EDARADD: variants seen among roughly 807,000 people sequenced by gnomAD.
The protein encoded by EDARADD is ectodysplasin-A receptor-associated adapter protein.
EDARADD carries 20 observed loss-of-function variants against 25.6 expected under a neutral mutation model. The ratio of observed to expected loss-of-function variants is 0.78; its 90% CI spans 0.55 to 1.14. The LOEUF is 1.14. EDARADD is among the 50% of genes most tolerant of loss of function. The probability of loss-of-function intolerance (pLI) is 0.00; values close to 1 mark genes in which losing one functional copy is unlikely to be tolerated. For missense variants in EDARADD, 225 were observed against 270.1 expected, an observed-to-expected ratio of 0.83 and a Z score of 1.17; for synonymous variants, 86 against 94.4, an observed-to-expected ratio of 0.91 and a Z score of 0.52.
chr1:236,395,329 G>T lies in EDARADD; in HGVS notation c.61+824G>T. The T allele has an allele frequency of 3.9e-6, 5 of 1,295,250 alleles. No individual in the cohort carries two copies. Among genetic ancestry groups the T allele is most frequent in the Non-Finnish European group, 4.9e-6 (5 of 1,017,994 alleles). 80.2% of individuals were successfully genotyped at this position (1,295,250 alleles called of 1,614,324 possible). ...CGGGACACTCGGGGCCCCGCCTTGCGTCCCAGCCCCGGGTCGCGGCACCCC... is the reference window on the plus strand; with the variant it reads ...CGGGACACTCGGGGCCCCGCCTTGCTTCCCAGCCCCGGGTCGCGGCACCCC... On this transcript the variant is annotated intron_variant, in intron 1 of 5. Transcript: ENST00000334232. The surrounding 1 kb of genome is among the most constrained non-coding windows in gnomAD (Gnocchi z 6.9).
At position 236,465,437 on chromosome 1, in the gene EDARADD, C is replaced by T. The variant is rs570207414; in HGVS notation, c.220-2794C>T. On this transcript the variant is annotated intron_variant, in intron 4 of 5. Transcript: ENST00000334232. ...CTGAATCATCTCCCTCTTGCCCCTC[C>T]CATTGCCTTTGCTTAAGACTAAATG... is the stretch of plus-strand genomic sequence containing the variant. Among the ~76,000 whole-genome samples the T allele has an allele frequency of 1.5e-3, 236 of 152,316 alleles. 2 individuals are homozygous for T. Among genetic ancestry groups the T allele is most frequent in the African/African-American group, 5.5e-3 (228 of 41,566 alleles).
At chr1:236,397,924 T>G (rs1042498104) in intron 1 of EDARADD, among the ~76,000 whole-genome samples, 1 of 152,146 alleles carries the variant, frequency 6.6e-6, no homozygotes, top group African/African-American at 2.4e-5. Flanking sequence ...TACTCCTATT[T>G]CTGTAATGAA....
intron 4 of EDARADD, among the ~76,000 whole-genome samples, chr1:236,466,998 C>T (rs1039973149): frequency 2.0e-5 from 3 of 151,688 alleles, no homozygotes; most frequent in Non-Finnish European, 2.9e-5. Context: ...ACCCAGGAGG[C>T]GGAGATGCAG....
At chr1:236,469,294 C>G (rs546909472) in intron 5 of EDARADD, among the ~76,000 whole-genome samples, 2 of 151,820 alleles carry the variant, frequency 1.3e-5, no homozygotes, top group African/African-American at 2.4e-5. Flanking sequence ...GCCAACATGG[C>G]AAAACTCCAT....
chr1:236,444,981 A>G (rs559381390), intron 4 of EDARADD, among the ~76,000 whole-genome samples: 1 of 152,114 alleles, frequency 6.6e-6, no homozygotes, highest in East Asian at 1.9e-4. Flanking sequence ...GGGAGTTAAT[A>G]TGTTATAAAT....
chr1:236,484,155 G>A lies in EDARADD; in HGVS notation c.*1506G>A. On this transcript the variant is annotated 3_prime_UTR_variant, in exon 6 of 6. Coordinates refer to ENST00000334232, the MANE Select transcript of EDARADD (RefSeq NM_145861.4). The surrounding 1 kb of genome is among the most constrained non-coding windows in gnomAD (Gnocchi z 4.1). ...GACCAACCCAAAGAGGACAGCCTCG[G>A]CCGTGAATGAGAAGAAGTGCAACTG... 7.5e-7 allele frequency: 1 copy of A among 1,341,348 alleles called. No homozygotes were observed. The highest frequency in any genetic ancestry group is 1.1e-6 in the Non-Finnish European group (1 of 932,230). 83.1% of individuals were successfully genotyped at this position (1,341,348 alleles called of 1,614,324 possible). A position where few individuals can be genotyped will look rare whatever the true frequency, so the allele number is the denominator to read the frequency against.
At chr1:236,410,177 C>T (rs1335474632) in intron 2 of EDARADD, among the ~76,000 whole-genome samples, 1 of 152,068 alleles carries the variant, frequency 6.6e-6, no homozygotes, top group African/African-American at 2.4e-5. Context: ...TTGGGCTTCT[C>T]ATAAATCCAT....
intron 1 of EDARADD, among the ~76,000 whole-genome samples, chr1:236,403,782 T>C (rs1331085627): frequency 6.6e-6 from 1 of 152,204 alleles, no homozygotes; most frequent in Admixed American, 6.5e-5. Context: ...CTGCCTGCTC[T>C]CACCCGCAGC....
chr1:236,414,095 A>G (rs1657570423), intron 2 of EDARADD, among the ~76,000 whole-genome samples, 165 bp from the exon 3 acceptor site: 1 of 152,200 alleles, frequency 6.6e-6, no homozygotes, highest in Non-Finnish European at 1.5e-5. Context: ...ATTCCTGTCG[A>G]CTGAGAATAA....
In EDARADD at chr1:236,460,187, C is replaced by CTTTTTTT. The variant is rs535170345; in HGVS notation, c.220-8035_220-8029dup. Among the ~76,000 whole-genome samples the CTTTTTTT allele has an allele frequency of 1.4e-5, 2 of 138,576 alleles. 1 individual carries two copies. 90.9% of individuals were successfully genotyped at this position (138,576 alleles called of 152,430 possible). ...TAAATACATTTCTTCTTTTTCTTTT[C>CTTTTTTT]TTTTTTTTTTTTTTTGAGACAGGGT... On this transcript the variant is annotated intron_variant, in intron 4 of 5. Transcript: ENST00000334232.
intron 1 of EDARADD, among the ~76,000 whole-genome samples, chr1:236,397,777 TGTC>T (rs1667542848): frequency 6.6e-6 from 1 of 152,180 alleles, no homozygotes; most frequent in African/African-American, 2.4e-5. Flanking sequence ...ATGATCCAAA[TGTC>T]CATTCCCGCT....
At position 236,411,324 on chromosome 1, in the gene EDARADD, C is replaced by T. The variant is rs182495979; in HGVS notation, c.120+2050C>T. On this transcript the variant is annotated intron_variant, in intron 2 of 5. Coordinates refer to ENST00000334232, the MANE Select transcript of EDARADD (RefSeq NM_145861.4). ...TGGAAGCTTGAAATCAAGGTGTCCT[C>T]AGGGCCATTCTCCCTCTGAGACCCA... 1.1e-3 allele frequency among the ~76,000 whole-genome samples: 169 copies of T among 152,292 alleles called. 1 individual carries two copies. The highest frequency in any genetic ancestry group is 3.9e-3 in the African/African-American group (163 of 41,560).
intron 5 of EDARADD, among the ~76,000 whole-genome samples, chr1:236,471,804 T>C (rs900359180): frequency 6.6e-6 from 1 of 152,128 alleles, no homozygotes; most frequent in African/African-American, 2.4e-5. Context: ...ATGTGCAAGA[T>C]AAAAGGGCAC....
At chr1:236,450,685 A>C (rs1201712181) in intron 4 of EDARADD, among the ~76,000 whole-genome samples, 1 of 151,886 alleles carries the variant, frequency 6.6e-6, no homozygotes, top group East Asian at 1.9e-4. Flanking sequence ...AGTAGCTGGG[A>C]TTACAGGCAT....
intron 3 of EDARADD, among the ~76,000 whole-genome samples, chr1:236,351,448 G>A (rs575064591): frequency 2.6e-5 from 4 of 152,168 alleles, no homozygotes; most frequent in South Asian, 2.1e-4. Context: ...GGCTGGGCGC[G>A]GTGGCTCATG....
In EDARADD at chr1:236,482,556, C is replaced by T. The variant is rs995250116; in HGVS notation, c.555C>T (p.Leu185=). 6.2e-7 allele frequency: 1 copy of T among 1,613,682 alleles called. No homozygotes were observed. Among genetic ancestry groups the T allele is most frequent in the African/African-American group, 1.3e-5 (1 of 74,924 alleles). ...TVGQLMELCR[L]YHRADVEKVL... ...GCCAGCTGATGGAGCTCTGCAGGCT[C>T]TACCACAGGGCCGACGTGGAGAAGG... Residue 185 remains leucine, a synonymous_variant, in exon 6 of 6, where the codon CTC becomes CTT. Transcript: ENST00000334232.
chr1:236,349,814 T>G, intron 2 of EDARADD, among the ~76,000 whole-genome samples: 1 of 150,636 alleles, frequency 6.6e-6, no homozygotes, highest in Admixed American at 6.6e-5. Flanking sequence ...AAAAGGGCAG[T>G]GGTGGGGGAG....
intron 4 of EDARADD, among the ~76,000 whole-genome samples, chr1:236,432,303 C>T (rs1025067429): frequency 3.3e-5 from 5 of 151,634 alleles, no homozygotes; most frequent in Admixed American, 2.0e-4. Flanking sequence ...GTGAGAGGAT[C>T]GCTTAAACCT....
At chr1:236,439,604 G>A (rs971525799) in intron 4 of EDARADD, among the ~76,000 whole-genome samples, 2 of 152,148 alleles carry the variant, frequency 1.3e-5, no homozygotes, top group Non-Finnish European at 2.9e-5. Context: ...GATGATATAC[G>A]ATGTAGAGCA....
Sources: gnomAD v4.1 joint callset for allele counts (sites outside exome capture counted in the v4.1 genomes callset) on GRCh38, gnomAD v4.1.1 for gene constraint, Gnocchi (gnomAD v3.1) non-coding constraint, MANE v1.5 for transcripts, NCBI Gene and HGNC (gene_info 2026-07-23, HGNC 2026-07-21) for gene names.